PPFIA2: variants seen among roughly 807,000 people sequenced by gnomAD.
PPFIA2 encodes liprin-alpha-2.
Under a neutral mutation model 175.5 loss-of-function variants are expected in PPFIA2, and 46 were observed. The ratio of observed to expected loss-of-function variants is 0.26; its 90% confidence interval spans 0.21 to 0.34. The LOEUF (loss-of-function observed/expected upper bound fraction) is 0.34, where lower values mean the gene tolerates loss of function less well. Ranked by LOEUF, PPFIA2 falls within the 10% of genes least tolerant of loss-of-function variation. The probability of loss-of-function intolerance (pLI) is 1.00; values close to 1 mark genes in which losing one functional copy is unlikely to be tolerated. For synonymous variants in PPFIA2, 568 were observed against 511.4 expected, an observed-to-expected ratio of 1.11 and a Z score of -1.49; for missense variants, 1,179 against 1,506.1, an observed-to-expected ratio of 0.78 and a Z score of 3.60.
intron 3 of PPFIA2, among the ~76,000 whole-genome samples, chr12:81,737,792 A>C (rs1157132968): frequency 6.6e-6 from 1 of 152,004 alleles, no homozygotes; most frequent in Non-Finnish European, 1.5e-5. Flanking sequence ...CTAAAATTTC[A>C]GTACAAAAAT....
intron 4 of PPFIA2, among the ~76,000 whole-genome samples, chr12:81,602,139 A>G (rs1271114199): frequency 6.6e-6 from 1 of 151,872 alleles, no homozygotes; most frequent in Non-Finnish European, 1.5e-5. Flanking sequence ...AAATGACTAT[A>G]TGGTTGTAAG....
At chr12:81,730,813 C>T (rs187805156) in intron 3 of PPFIA2, among the ~76,000 whole-genome samples, 3 of 151,500 alleles carry the variant, frequency 2.0e-5, no homozygotes, top group African/African-American at 7.2e-5. Flanking sequence ...TTACCCTAAA[C>T]CTGAGTTAAT....
intron 21 of PPFIA2, among the ~76,000 whole-genome samples, chr12:81,333,433 T>C (rs1400504353): frequency 6.6e-6 from 1 of 152,124 alleles, no homozygotes; most frequent in Admixed American, 6.6e-5. Flanking sequence ...GGTGCCTAAT[T>C]TTCTCCTCCA....
At chr12:81,536,663 T>A (rs2065427596) in intron 4 of PPFIA2, among the ~76,000 whole-genome samples, 1 of 148,186 alleles carries the variant, frequency 6.7e-6, no homozygotes, top group Non-Finnish European at 1.5e-5. Flanking sequence ...ATTGAGTTTA[T>A]TGCAGATTAT....
At position 81,619,754 on chromosome 12, in the gene PPFIA2, A is replaced by G. The variant is rs539550189; in HGVS notation, c.303+57037T>C. Among the ~76,000 whole-genome samples the G allele has an allele frequency of 7.9e-4, 120 of 152,322 alleles. 1 individual carries two copies. The highest frequency in any genetic ancestry group is 1.4e-3 in the Non-Finnish European group (97 of 68,032). On this transcript the variant is annotated intron_variant, in intron 4 of 32. Coordinates refer to ENST00000549396, the MANE Select transcript of PPFIA2 (RefSeq NM_003625.5). ...TGGAAAATGTAAGCTTTAGCTACTC[A>G]GCTGTTAAGGTTTAATATTCCTGAT...
intron 3 of PPFIA2, among the ~76,000 whole-genome samples, chr12:81,707,722 C>T (rs1303370466): frequency 1.4e-4 from 21 of 150,362 alleles, no homozygotes; most frequent in Middle Eastern, 6.8e-3. Flanking sequence ...CACATGCACA[C>T]GTATGTTTAT....
intron 21 of PPFIA2, 111 bp downstream of exon 21, chr12:81,339,069 G>T (rs964072438): frequency 2.8e-6 from 3 of 1,055,100 alleles, no homozygotes; most frequent in Non-Finnish European, 3.9e-6. Context: ...TTGTCAGGTA[G>T]AAAAGAGAAG....
intron 22 of PPFIA2, among the ~76,000 whole-genome samples, chr12:81,303,078 C>T (rs1391109603): frequency 2.0e-5 from 3 of 152,162 alleles, no homozygotes; most frequent in African/African-American, 7.2e-5. Context: ...GGATATACTG[C>T]TGTTCTCCGT....
intron 4 of PPFIA2, among the ~76,000 whole-genome samples, chr12:81,489,796 C>T (rs182151926): frequency 9.9e-4 from 151 of 151,912 alleles, no homozygotes; most frequent in Non-Finnish European, 1.9e-3. Flanking sequence ...TAATTCAAAA[C>T]ATTTATGAGT....
chr12:81,666,358 A>G (rs539115734), intron 4 of PPFIA2, among the ~76,000 whole-genome samples: 91 of 152,296 alleles, frequency 6.0e-4, no homozygotes, highest in African/African-American at 2.2e-3. Context: ...CTTGGAACCA[A>G]CCCAAATATC....
chr12:81,401,938 G>A (rs1566663505), intron 8 of PPFIA2, among the ~76,000 whole-genome samples: 1 of 152,090 alleles, frequency 6.6e-6, no homozygotes, highest in African/African-American at 2.4e-5. Context: ...TCAGTTAAGT[G>A]TATTTTTTCT....
At chr12:81,532,232 A>G (rs374499287) in intron 4 of PPFIA2, among the ~76,000 whole-genome samples, 20 of 151,866 alleles carry the variant, frequency 1.3e-4, no homozygotes, top group African/African-American at 4.1e-4. Flanking sequence ...CAGCTGGAAG[A>G]TTATATACCC....
chr12:81,426,002 G>C (rs1259860160), intron 7 of PPFIA2, among the ~76,000 whole-genome samples: 2 of 152,114 alleles, frequency 1.3e-5, no homozygotes, highest in African/African-American at 2.4e-5. Flanking sequence ...AGATAATCTT[G>C]TCATACCCAA....
chr12:81,514,693 A>G (rs1032083323), intron 4 of PPFIA2, among the ~76,000 whole-genome samples: 34 of 151,924 alleles, frequency 2.2e-4, no homozygotes, highest in Admixed American at 1.3e-3. Flanking sequence ...TTTTTGACAC[A>G]TATGACCATT....
At chr12:81,344,639 A>C (rs2058723294) in intron 19 of PPFIA2, 25 bp downstream of exon 19, 1 of 1,503,374 alleles carries the variant, frequency 6.7e-7, no homozygotes, top group East Asian at 2.4e-5. Flanking sequence ...TCAATTCGTA[A>C]TGATGTAAAA....
intron 4 of PPFIA2, among the ~76,000 whole-genome samples, chr12:81,531,319 C>G (rs2064524562): frequency 6.6e-6 from 1 of 151,610 alleles, no homozygotes; most frequent in African/African-American, 2.4e-5. Context: ...CTTCAGAAAA[C>G]TAAAGAATGG....
chr12:81,303,354 G>A (rs1235729038), intron 22 of PPFIA2, among the ~76,000 whole-genome samples: 2 of 152,106 alleles, frequency 1.3e-5, no homozygotes, highest in Non-Finnish European at 2.9e-5. Flanking sequence ...AAATTTCGGG[G>A]CATACATTTC....
In PPFIA2 at chr12:81,439,622, T is replaced by C. The variant is rs543691440; in HGVS notation, c.645+350A>G. ...ATCTCTCCAAGGAGTTCACTTTTAT[T>C]TGTAGCATTTTCTAAGTTTAACAGT... On this transcript the variant is annotated intron_variant, in intron 7 of 32. Coordinates refer to ENST00000549396, the MANE Select transcript of PPFIA2 (RefSeq NM_003625.5). Among the ~76,000 whole-genome samples the C allele has an allele frequency of 2.6e-5, 4 of 152,250 alleles. No homozygotes were observed. The East Asian group carries it at 7.7e-4, about 29-fold the overall frequency.
chr12:81,497,688 C>T (rs929249013), intron 4 of PPFIA2, among the ~76,000 whole-genome samples: 17 of 151,812 alleles, frequency 1.1e-4, no homozygotes, highest in East Asian at 7.8e-4. Context: ...TACAGGCACA[C>T]GCCACCACGT....
Sources: gnomAD v4.1 joint callset for allele counts (sites outside exome capture counted in the v4.1 genomes callset) on GRCh38, gnomAD v4.1.1 for gene constraint, MANE v1.5 for transcripts, NCBI Gene and HGNC (gene_info 2026-07-23, HGNC 2026-07-21) for gene names.